The following KCNAB2 variants were observed in gnomAD, a reference collection of about 807,000 sequenced individuals.
KCNAB2 encodes potassium voltage-gated channel subfamily A regulatory beta subunit 2.
A neutral mutation model predicts 63.6 loss-of-function variants in KCNAB2; 29 were observed. The ratio of observed to expected loss-of-function variants is 0.46; its 90% CI spans 0.34 to 0.62. The LOEUF (loss-of-function observed/expected upper bound fraction) is 0.62. KCNAB2 is among the 20% of genes least tolerant of loss of function. The pLI, the probability that KCNAB2 is intolerant of heterozygous loss-of-function variation, is 0.01. For missense variants in KCNAB2, 359 were observed against 563.9 expected (o/e 0.64, Z 3.68); for synonymous variants, 222 against 224.2 (o/e 0.99, Z 0.09).
intron 1 of KCNAB2, among the ~76,000 whole-genome samples, chr1:6,017,636 C>A (rs936263257): frequency 6.6e-6 from 1 of 152,004 alleles, no homozygotes; most frequent in African/African-American, 2.4e-5. Context: ...GTAAAAAATA[C>A]AAAAATTAGC....
At chr1:6,008,693 G>T (rs1657972109) in intron 1 of KCNAB2, among the ~76,000 whole-genome samples, 1 of 151,724 alleles carries the variant, frequency 6.6e-6, no homozygotes, top group Non-Finnish European at 1.5e-5. Context: ...CAACAGAACT[G>T]CAGCAGATGA....
chr1:6,057,654 G>A (rs1661953702), intron 2 of KCNAB2, among the ~76,000 whole-genome samples: 1 of 152,220 alleles, frequency 6.6e-6, no homozygotes, highest in Non-Finnish European at 1.5e-5. Flanking sequence ...GGAGGTGAAA[G>A]TCCAACGGCC....
intron 1 of KCNAB2, chr1:6,018,852 A>G (rs945055686): frequency 2.6e-5 from 4 of 152,232 alleles, no homozygotes; most frequent in Non-Finnish European, 4.4e-5. Flanking sequence ...GTATTTCATT[A>G]TGGCATTCCC....
Position 6,100,081 on chromosome 1 carries a change from C to T in KCNAB2, c.*1507C>T, listed in dbSNP as rs963357665. 5.5e-6 allele frequency: 8 copies of T among 1,456,066 alleles called. No homozygotes were observed. The Admixed American group carries it at 2.2e-4, about 40-fold the overall frequency. The allele number at this position is 1,456,066 out of a possible 1,614,324, so 90.2% of individuals were successfully genotyped here. Reference sequence around the variant, plus strand: ...CACCCTCAGTGCAGGCACCTCTGTTCCCGCTTTGCCCCTGGAGGAGCCACT... The same window carrying T: ...CACCCTCAGTGCAGGCACCTCTGTTTCCGCTTTGCCCCTGGAGGAGCCACT... On this transcript the variant is annotated 3_prime_UTR_variant, in exon 16 of 16. Transcript: ENST00000378083.
At chr1:6,041,672 T>G, upstream of KCNAB2, 1 of 635,906 alleles carries the variant, frequency 1.6e-6, no homozygotes, top group Non-Finnish European at 2.8e-6. Flanking sequence ...CGGCTGCGCT[T>G]CCTCAGAGAC....
chr1:6,062,024 C>A (rs1324417839), intron 2 of KCNAB2, among the ~76,000 whole-genome samples: 1 of 152,110 alleles, frequency 6.6e-6, no homozygotes, highest in Non-Finnish European at 1.5e-5. Flanking sequence ...CTTAGAAGTC[C>A]AGTGTCAGCC....
intron 8 of KCNAB2, 122 bp from the exon 9 acceptor site, chr1:6,090,267 A>T: frequency 1.6e-6 from 1 of 631,562 alleles, no homozygotes; most frequent in Non-Finnish European, 2.7e-6. Flanking sequence ...AGCTTCTGGA[A>T]GCTTCCAGAT....
Position 6,089,739 on chromosome 1 carries a change from C to T in KCNAB2, c.515-650C>T, listed in dbSNP as rs1040821166. 5.9e-5 allele frequency among the ~76,000 whole-genome samples: 9 copies of T among 152,350 alleles called. 1 individual carries two copies. The South Asian group carries it at 1.9e-3, about 32-fold the overall frequency. ...TGAGATGGAGTTTTGCTCTTGTTGC[C>T]CAGGCTGGAGTGCAGCGGCACGATC... On this transcript the variant is annotated intron_variant, in intron 8 of 15. Transcript: ENST00000378083.
At chr1:6,021,918 A>G (rs1299292629) in intron 1 of KCNAB2, among the ~76,000 whole-genome samples, 2 of 151,564 alleles carry the variant, frequency 1.3e-5, no homozygotes, top group Non-Finnish European at 2.9e-5. Context: ...GGTAAAGTGC[A>G]GTGGTATTGA....
intron 4 of KCNAB2, among the ~76,000 whole-genome samples, chr1:6,080,531 G>A (rs1664109647): frequency 6.6e-6 from 1 of 152,168 alleles, no homozygotes; most frequent in Admixed American, 6.5e-5. Context: ...TCCACCCCCG[G>A]GCTTCCTGAC....
intron 2 of KCNAB2, among the ~76,000 whole-genome samples, chr1:6,065,780 G>A (rs1371225936): frequency 6.6e-6 from 1 of 152,096 alleles, no homozygotes; most frequent in Non-Finnish European, 1.5e-5. Context: ...AGAGACGAGA[G>A]ATGTGAGGGG....
In KCNAB2 at chr1:6,003,950, G is replaced by A. The variant is rs1237144603; in HGVS notation, c.-53+11162G>A. 6.6e-6 allele frequency among the ~76,000 whole-genome samples: 1 copy of A among 152,210 alleles called. No individual in the cohort carries two copies. The highest frequency in any genetic ancestry group is 1.5e-5 in the Non-Finnish European group (1 of 68,040). On this transcript the variant is annotated intron_variant, in intron 1 of 16. Transcript: ENST00000341524. This position sits in a 1 kb window ranked among gnomAD's most constrained non-coding sequence, Gnocchi z 4.1. ...TTGCTGCCGCAGCGCTGCCTGGCAA[G>A]ATGTTAATCGTTCATGCCCTGTCAC...
chr1:6,060,525 C>G (rs984731081), intron 2 of KCNAB2, among the ~76,000 whole-genome samples: 1 of 152,194 alleles, frequency 6.6e-6, no homozygotes. Flanking sequence ...AACCACACTC[C>G]GTTCAGCACG....
chr1:6,088,583 A>G (rs1664900210), intron 7 of KCNAB2, among the ~76,000 whole-genome samples: 2 of 151,086 alleles, frequency 1.3e-5, no homozygotes, highest in East Asian at 2.0e-4. Flanking sequence ...GGGTCTCACT[A>G]TGTTGCCCAG....
intron 1 of KCNAB2, among the ~76,000 whole-genome samples, chr1:5,993,671 T>G (rs543761524): frequency 3.9e-5 from 6 of 152,346 alleles, no homozygotes; most frequent in African/African-American, 1.2e-4. Flanking sequence ...TTACAGGGAC[T>G]GTGCTTTGCC....
At chr1:6,089,556 A>G (rs985789237) in intron 8 of KCNAB2, among the ~76,000 whole-genome samples, 1 of 152,058 alleles carries the variant, frequency 6.6e-6, no homozygotes, top group African/African-American at 2.4e-5. Context: ...GAGGTAATAG[A>G]TCATTCCATT....
rs1364449585 is a variant in KCNAB2, at chr1:6,051,972, C to T, written c.218+218C>T. On this transcript the variant is annotated intron_variant, in intron 2 of 15. Coordinates refer to ENST00000378083, the MANE Select transcript of KCNAB2 (RefSeq NM_001199862.2). ...CAAAAAATAGCCAGGCATAGTGGGG[C>T]GCACCTGTAGTCCCAACTACTCAGG... Among the ~76,000 whole-genome samples, 9 of 151,992 alleles carry T rather than the reference C, an allele frequency of 5.9e-5. 1 individual carries two copies. Among genetic ancestry groups the T allele is most frequent in the East Asian group, 3.9e-4 (2 of 5,182 alleles).
chr1:6,078,148 C>T lies in KCNAB2; in HGVS notation c.301-4047C>T, dbSNP rs1047874763. On this transcript the variant is annotated intron_variant, in intron 4 of 15. Transcript: ENST00000378083. This position sits in a 1 kb window ranked among gnomAD's most constrained non-coding sequence, Gnocchi z 4.2. ...CCTCTTCAGCGTCTGGCGCTGCTGGCCTTCCTTGGCCTGTGCCCGCATCCC... is the reference window on the plus strand; with the variant it reads ...CCTCTTCAGCGTCTGGCGCTGCTGGTCTTCCTTGGCCTGTGCCCGCATCCC... Among the ~76,000 whole-genome samples, 1 of 152,204 alleles carries T rather than the reference C, an allele frequency of 6.6e-6. No individual in the cohort carries two copies. Among genetic ancestry groups the T allele is most frequent in the Non-Finnish European group, 1.5e-5 (1 of 68,034 alleles).
Position 6,100,347 on chromosome 1 carries a change from A to C in KCNAB2, c.*1773A>C. 3.7e-6 allele frequency: 1 copy of C among 272,666 alleles called. No homozygotes were observed. The allele number at this position is 272,666 out of a possible 1,614,324, so 16.9% of individuals were successfully genotyped here. ...TCCACTCAGTCCTGCTGCCTGCTTC[A>C]CCAGAAGCAGCCCTGTGAGTGTGGG... On this transcript the variant is annotated 3_prime_UTR_variant, in exon 16 of 16. Transcript: ENST00000378083.
Sources: allele counts gnomAD v4.1 joint callset (sites outside exome capture counted in the v4.1 genomes callset), GRCh38; gene constraint gnomAD v4.1.1; non-coding constraint Gnocchi (gnomAD v3.1); transcripts MANE v1.5; gene names NCBI Gene and HGNC (gene_info 2026-07-23, HGNC 2026-07-21).